INSR: variants seen among roughly 807,000 people sequenced by gnomAD.
The protein encoded by INSR is IR.
A neutral mutation model predicts 142.6 loss-of-function variants in INSR; 67 were observed. That is an observed-to-expected ratio of 0.47 (90% CI 0.39 to 0.58). The LOEUF is 0.58. Among genes scored for constraint, INSR ranks in the 20% least tolerant of loss-of-function variants. The pLI is 0.00. For synonymous variants in INSR, 756 were observed against 743.1 expected, an observed-to-expected ratio of 1.02 and a Z score of -0.28; for missense variants, 1,248 against 1,833.2, an observed-to-expected ratio of 0.68 and a Z score of 5.83.
At chr19:7,138,172 G>T (rs996367860) in intron 13 of INSR, among the ~76,000 whole-genome samples, 1 of 151,548 alleles carries the variant, frequency 6.6e-6, no homozygotes, top group Non-Finnish European at 1.5e-5. Flanking sequence ...CACCGTGTTA[G>T]CCAGGATGGT....
intron 2 of INSR, among the ~76,000 whole-genome samples, chr19:7,215,209 G>A (rs1975397142): frequency 6.6e-6 from 1 of 152,150 alleles, no homozygotes; most frequent in South Asian, 2.1e-4. Flanking sequence ...CTGAGTCTGT[G>A]CTTGTTCATG....
At chr19:7,250,485 G>A (rs148956356) in intron 2 of INSR, among the ~76,000 whole-genome samples, 1,852 of 144,852 alleles carry the variant, frequency 0.013, 43 homozygotes, top group African/African-American at 0.044. Flanking sequence ...AAAAGAAAGA[G>A]AAGGAAGGAA....
chr19:7,125,360 C>T lies in INSR; in HGVS notation c.3181G>A (p.Glu1061Lys), dbSNP rs55882714. 3.1e-6 allele frequency: 5 copies of T among 1,614,102 alleles called. No individual in the cohort carries two copies. The African/African-American group carries it at 4.0e-5, about 13-fold the overall frequency. ...ETRVAVKTVNESASLRERIEF... is the reference protein window; with the variant it reads ...ETRVAVKTVNKSASLRERIEF... ...ATCCGCTCTCGGAGACTGGCTGACT[C>T]GTTGACCGTCTTCACCGCCACGCGG... Residue 1061 changes from glutamate (E) to lysine (K), a missense_variant, in exon 17 of 22, where the codon GAG becomes AAG. Transcript: ENST00000302850. The surrounding 1 kb of genome is among the most constrained non-coding windows in gnomAD (Gnocchi z 4.9).
chr19:7,256,035 C>G, intron 2 of INSR, among the ~76,000 whole-genome samples: 1 of 152,102 alleles, frequency 6.6e-6, no homozygotes, highest in East Asian at 1.9e-4. Context: ...CTCTAGGGTA[C>G]TTGTTCTTTC....
At chr19:7,147,589 C>A (rs1021335107) in intron 11 of INSR, among the ~76,000 whole-genome samples, 3 of 152,050 alleles carry the variant, frequency 2.0e-5, no homozygotes, top group Admixed American at 2.0e-4. Context: ...GAAAACAAAT[C>A]CTACTTTGGG....
intron 2 of INSR, among the ~76,000 whole-genome samples, chr19:7,193,106 ATTTCTTTTT>A (rs141041834): frequency 0.033 from 5,005 of 151,252 alleles, 125 homozygotes; most frequent in Non-Finnish European, 0.054. Flanking sequence ...TTGATGCAGT[ATTTCTTTTT>A]TTTCTTTTTT....
At chr19:7,201,615 ACT>A (rs1249099245) in intron 2 of INSR, among the ~76,000 whole-genome samples, 4 of 149,700 alleles carry the variant, frequency 2.7e-5, no homozygotes, top group African/African-American at 7.4e-5. Flanking sequence ...ACCAAGTGAG[ACT>A]CTGTCTCAAT....
intron 1 of INSR, among the ~76,000 whole-genome samples, chr19:7,278,781 G>A (rs1365113842): frequency 2.0e-5 from 3 of 152,074 alleles, no homozygotes; most frequent in Admixed American, 1.3e-4. Context: ...ATCACCTGAG[G>A]TCAGGAGTTT....
At chr19:7,219,656 G>C (rs536469738) in intron 2 of INSR, among the ~76,000 whole-genome samples, 1 of 151,230 alleles carries the variant, frequency 6.6e-6, no homozygotes, top group African/African-American at 2.4e-5. Flanking sequence ...AGGAAGGAGG[G>C]AAGGAGGGAA....
rs550346134 is a variant in INSR, at chr19:7,117,029, T to C, written c.*27A>G. 19 of 1,537,910 alleles carry C rather than the reference T, an allele frequency of 1.2e-5. No individual in the cohort carries two copies. The South Asian group carries it at 2.1e-4, about 17-fold the overall frequency. ...AGAGGAAAGCGAAAATGGGAACCCC[T>C]GCCCGCCCCCGCCACGGTAGGCACT... On this transcript the variant is annotated 3_prime_UTR_variant, in exon 22 of 22. Coordinates refer to ENST00000302850, the MANE Select transcript of INSR (RefSeq NM_000208.4).
At chr19:7,246,908 C>CTGAGAGCCCTGTGT (rs1568215469) in intron 2 of INSR, among the ~76,000 whole-genome samples, 36 of 145,730 alleles carry the variant, frequency 2.5e-4, no homozygotes, top group African/African-American at 9.0e-4. Context: ...CTGATACAAG[C>CTGAGAGCCCTGTGT]TCCATGAATG....
rs755247502 is a variant in INSR, at chr19:7,119,811, AAC to A, written c.3660-230_3660-229del. Among the ~76,000 whole-genome samples, 1,337 of 115,470 alleles carry A rather than the reference AAC, an allele frequency of 0.012. 21 individuals are homozygous for A. The highest frequency in any genetic ancestry group is 0.038 in the African/African-American group (1,265 of 33,444). 75.8% of individuals were successfully genotyped at this position (115,470 alleles called of 152,430 possible). Reference sequence around the variant, plus strand: ...GCACACACAAATATGCAAACACACAAACACATATACACACACAAACACACACA... The same window carrying A: ...GCACACACAAATATGCAAACACACAAACATATACACACACAAACACACACA... On this transcript the variant is annotated intron_variant, in intron 20 of 21. Transcript: ENST00000302850. The surrounding 1 kb of genome is among the most constrained non-coding windows in gnomAD (Gnocchi z 5.2).
intron 1 of INSR, among the ~76,000 whole-genome samples, chr19:7,275,427 T>C (rs1260460605): frequency 6.6e-6 from 1 of 152,134 alleles, no homozygotes; most frequent in Non-Finnish European, 1.5e-5. Context: ...CTAATTTTTT[T>C]TACATTTCCA....
chr19:7,245,864 A>C (rs1342704529), intron 2 of INSR, among the ~76,000 whole-genome samples: 3 of 152,230 alleles, frequency 2.0e-5, no homozygotes, highest in African/African-American at 7.2e-5. Context: ...CTTGAAATAG[A>C]ATTGATATCC....
At chr19:7,269,210 TA>T (rs11395249) in intron 1 of INSR, among the ~76,000 whole-genome samples, 426 of 130,854 alleles carry the variant, frequency 3.3e-3, no homozygotes, top group Admixed American at 4.1e-3. Flanking sequence ...GTAAATCCTC[TA>T]AAAAAAAAAA....
chr19:7,196,462 G>A (rs575517831), intron 2 of INSR, among the ~76,000 whole-genome samples: 1 of 152,226 alleles, frequency 6.6e-6, no homozygotes, highest in Admixed American at 6.6e-5. Context: ...AACAAAAAGC[G>A]ACCAATTTGT....
At chr19:7,232,831 C>T (rs1042484609) in intron 2 of INSR, among the ~76,000 whole-genome samples, 1 of 151,998 alleles carries the variant, frequency 6.6e-6, no homozygotes, top group Non-Finnish European at 1.5e-5. Context: ...ATTTCAGTTG[C>T]TAAACTTAAT....
intron 13 of INSR, 156 bp downstream of exon 13, chr19:7,141,521 C>T (rs111404974): frequency 2.5e-5 from 25 of 1,016,052 alleles, no homozygotes; most frequent in Middle Eastern, 2.8e-4. Context: ...CATCTTCCTG[C>T]GAAGTCAGGT....
rs532976643 is a variant in INSR, at chr19:7,242,826, C to T, written c.652+24519G>A. 4.7e-5 allele frequency among the ~76,000 whole-genome samples: 7 copies of T among 150,100 alleles called. No individual in the cohort carries two copies. The East Asian group carries it at 1.4e-3, about 29-fold the overall frequency. ...ATTTGCATGTTGTGTACCACAGAAG[C>T]TATTTATAAATGAAAATTTTGGCCT... is the stretch of plus-strand genomic sequence containing the variant. On this transcript the variant is annotated intron_variant, in intron 2 of 21. Transcript: ENST00000302850.
Sources: gnomAD v4.1 joint callset for allele counts (sites outside exome capture counted in the v4.1 genomes callset) on GRCh38, gnomAD v4.1.1 for gene constraint, Gnocchi (gnomAD v3.1) non-coding constraint, MANE v1.5 for transcripts, NCBI Gene and HGNC (gene_info 2026-07-23, HGNC 2026-07-21) for gene names.